Variants in ARRB1 observed in about 807,000 individuals in gnomAD.
The protein encoded by ARRB1 is arrestin beta 1.
ARRB1 carries 21 observed loss-of-function variants against 56.8 expected under a neutral mutation model. The ratio of observed to expected loss-of-function variants is 0.37; its 90% CI spans 0.26 to 0.53. The LOEUF (loss-of-function observed/expected upper bound fraction) is 0.53. Ranked by LOEUF, ARRB1 falls within the 20% of genes least tolerant of loss-of-function variation. The pLI is 0.88. For missense variants in ARRB1, 424 were observed against 553.7 expected (o/e 0.77, Z 2.35); for synonymous variants, 210 against 218.6 (o/e 0.96, Z 0.35).
At chr11:75,312,021 G>C (rs1947172794) in intron 1 of ARRB1, 1 of 1,286,892 alleles carries the variant, frequency 7.8e-7, no homozygotes, top group African/African-American at 1.5e-5. Flanking sequence ...CCAGATCGGA[G>C]GCCCTGCCCA....
chr11:75,325,516 T>C (rs1947416210), intron 1 of ARRB1, among the ~76,000 whole-genome samples: 1 of 151,946 alleles, frequency 6.6e-6, no homozygotes, highest in Non-Finnish European at 1.5e-5. Context: ...GAGACAGGAG[T>C]TTCACCATGT....
intron 13 of ARRB1, among the ~76,000 whole-genome samples, chr11:75,269,376 C>T (rs1405972356): frequency 6.6e-6 from 1 of 152,138 alleles, no homozygotes; most frequent in Non-Finnish European, 1.5e-5. Context: ...GTCGGAGCTC[C>T]TCCCACCCTC....
At chr11:75,300,342 G>T (rs7112979) in intron 1 of ARRB1, among the ~76,000 whole-genome samples, 1,945 of 152,168 alleles carry the variant, frequency 0.013, 36 homozygotes, top group African/African-American at 0.042. Context: ...TCTATAATAA[G>T]TGTTACTATC....
At chr11:75,331,781 C>T (rs754606104) in intron 1 of ARRB1, among the ~76,000 whole-genome samples, 2 of 151,426 alleles carry the variant, frequency 1.3e-5, no homozygotes, top group Non-Finnish European at 2.9e-5. Flanking sequence ...TCTCTTCACA[C>T]GGACTCGAGT....
At chr11:75,279,444 G>A (rs1001540908) in intron 7 of ARRB1, among the ~76,000 whole-genome samples, 6 of 152,078 alleles carry the variant, frequency 3.9e-5, no homozygotes, top group African/African-American at 1.2e-4. Context: ...TGAGGGAGGG[G>A]GACTTGGTGA....
intron 1 of ARRB1, among the ~76,000 whole-genome samples, chr11:75,349,456 T>C (rs1591998651): frequency 6.6e-6 from 1 of 151,960 alleles, no homozygotes; most frequent in Non-Finnish European, 1.5e-5. Flanking sequence ...AGAGACAGGG[T>C]CTCCAACAGG....
intron 1 of ARRB1, among the ~76,000 whole-genome samples, chr11:75,337,029 A>G (rs997625640): frequency 1.3e-5 from 2 of 152,258 alleles, no homozygotes; most frequent in African/African-American, 2.4e-5. Context: ...TTGTAGCTCC[A>G]GTGTCTGGCA....
intron 1 of ARRB1, among the ~76,000 whole-genome samples, chr11:75,313,028 G>A (rs1261293747): frequency 3.9e-5 from 6 of 152,276 alleles, no homozygotes; most frequent in Middle Eastern, 6.8e-3. Flanking sequence ...CCCATTCTGC[G>A]GACCAGGAAA....
At chr11:75,321,148 G>T (rs1445357377) in intron 1 of ARRB1, among the ~76,000 whole-genome samples, 1 of 152,150 alleles carries the variant, frequency 6.6e-6, no homozygotes, top group Admixed American at 6.5e-5. Context: ...TTTCAGGAGA[G>T]GCACAAGGTA....
intron 1 of ARRB1, chr11:75,312,074 C>T (rs745733054): frequency 3.5e-4 from 455 of 1,289,312 alleles, no homozygotes; most frequent in Non-Finnish European, 4.5e-4. Flanking sequence ...CAGCCTCTCC[C>T]GCTGCAAGTC....
At position 75,335,560 on chromosome 11, in the gene ARRB1, G is replaced by A. The variant is rs1041116649; in HGVS notation, c.20+16028C>T. On this transcript the variant is annotated intron_variant, in intron 1 of 15. Transcript: ENST00000420843. ...TGATCACACTACTGCACTCCAGGCTGGGCAACAGAGCCAGGCCCTGTCCCT... is the reference window on the plus strand; with the variant it reads ...TGATCACACTACTGCACTCCAGGCTAGGCAACAGAGCCAGGCCCTGTCCCT... 4.0e-5 allele frequency among the ~76,000 whole-genome samples: 6 copies of A among 149,300 alleles called. No individual in the cohort carries two copies. In the South Asian group the frequency reaches 1.3e-3, roughly 32 times the overall value.
In ARRB1 at chr11:75,300,893, G is replaced by T. The variant is rs1207524903; in HGVS notation, c.21-10854C>A. On this transcript the variant is annotated intron_variant, in intron 1 of 15. Transcript: ENST00000420843. Reference sequence around the variant, plus strand: ...TGAGGCAGGAGAATGGCGTGAACCCGGGAGGCGGAGCTTGCAGTGAGCCGA... The same window carrying T: ...TGAGGCAGGAGAATGGCGTGAACCCTGGAGGCGGAGCTTGCAGTGAGCCGA... Among the ~76,000 whole-genome samples the T allele has an allele frequency of 7.5e-4, 110 of 147,178 alleles. 3 individuals carry two copies. The highest frequency in any genetic ancestry group is 2.8e-3 in the African/African-American group (105 of 37,894).
In ARRB1 at chr11:75,262,810, C is replaced by T. The variant is rs576946012; in HGVS notation, c.*3353G>A. Among the ~76,000 whole-genome samples, 3 of 152,278 alleles carry T rather than the reference C, an allele frequency of 2.0e-5. No homozygotes were observed. Among genetic ancestry groups the T allele is most frequent in the Non-Finnish European group, 2.9e-5 (2 of 68,022 alleles). Reference sequence around the variant, plus strand: ...CCAGGACAGAGTTCCTTTCACTGCACCATGTAGGAACCAGCTTGTCAGGAA... The same window carrying T: ...CCAGGACAGAGTTCCTTTCACTGCATCATGTAGGAACCAGCTTGTCAGGAA... On this transcript the variant is annotated 3_prime_UTR_variant, in exon 16 of 16. Coordinates refer to ENST00000420843, the MANE Select transcript of ARRB1 (RefSeq NM_004041.5).
intron 11 of ARRB1, 90 bp downstream of exon 11, chr11:75,273,984 C>T: frequency 6.3e-7 from 1 of 1,583,728 alleles, no homozygotes; most frequent in Non-Finnish European, 8.6e-7. Flanking sequence ...GTAGCCTGAG[C>T]CTTGTCTTTG....
chr11:75,324,890 C>G (rs563395967), intron 1 of ARRB1, among the ~76,000 whole-genome samples: 22 of 152,132 alleles, frequency 1.4e-4, no homozygotes, highest in Non-Finnish European at 3.1e-4. Context: ...CCACCCCTGT[C>G]CCTGGGAGAA....
intron 1 of ARRB1, among the ~76,000 whole-genome samples, chr11:75,322,944 C>A (rs1292596125): frequency 6.6e-6 from 1 of 152,176 alleles, no homozygotes; most frequent in Admixed American, 6.5e-5. Flanking sequence ...ATTAAATGAG[C>A]AACTTTACGC....
In ARRB1 at chr11:75,278,660, C is replaced by T; in HGVS notation, c.567G>A (p.Gln189=). Residue 189 remains glutamine, a synonymous_variant, in exon 8 of 16, where the codon CAG becomes CAA. Transcript: ENST00000420843. ...GPQPTAETTR[Q]FLMSDKPLHL... ...GCAAGGGCTTGTCCGACATGAGGAA[C>T]TGCCTGGTGGTCTCGGCTGTGGGCT... The T allele has an allele frequency of 6.2e-7, 1 of 1,614,208 alleles. No homozygotes were observed. The highest frequency in any genetic ancestry group is 8.5e-7 in the Non-Finnish European group (1 of 1,180,044).
At chr11:75,289,227 G>T (rs771121460) in intron 2 of ARRB1, among the ~76,000 whole-genome samples, 5 of 152,178 alleles carry the variant, frequency 3.3e-5, no homozygotes, top group Non-Finnish European at 7.4e-5. Flanking sequence ...CTCAGCCTCA[G>T]CCTCTCTCTT....
chr11:75,269,193 A>G (rs1275617619), intron 13 of ARRB1: 7 of 730,008 alleles, frequency 9.6e-6, no homozygotes, highest in Non-Finnish European at 1.8e-5. Context: ...TTTCCTGAGA[A>G]GGCTCTCTGG....
Sources: gnomAD v4.1 joint callset for allele counts (sites outside exome capture counted in the v4.1 genomes callset) on GRCh38, gnomAD v4.1.1 for gene constraint, MANE v1.5 for transcripts, NCBI Gene and HGNC (gene_info 2026-07-23, HGNC 2026-07-21) for gene names.